Variants in PRKCE observed in about 807,000 individuals in gnomAD.
PRKCE encodes protein kinase C epsilon type.
PRKCE carries 16 observed loss-of-function variants against 85.4 expected under a neutral mutation model. The ratio of observed to expected loss-of-function variants is 0.19; its 90% CI spans 0.13 to 0.28. The LOEUF (loss-of-function observed/expected upper bound fraction) is 0.28, where lower values mean the gene tolerates loss of function less well. PRKCE is among the 10% of genes least tolerant of loss of function. The pLI, the probability that PRKCE is intolerant of heterozygous loss-of-function variation, is 1.00. For synonymous variants in PRKCE, 388 were observed against 371.5 expected (o/e 1.04, Z -0.51); for missense variants, 573 against 975.2 (o/e 0.59, Z 5.49).
intron 1 of PRKCE, among the ~76,000 whole-genome samples, chr2:45,784,634 G>T (rs1476079705): frequency 2.0e-5 from 3 of 150,824 alleles, no homozygotes; most frequent in African/African-American, 7.3e-5. Context: ...CTAGCTTTTT[G>T]TTTTTTTTTA....
intron 1 of PRKCE, among the ~76,000 whole-genome samples, chr2:45,668,326 G>C (rs577986520): frequency 6.6e-6 from 1 of 152,270 alleles, no homozygotes; most frequent in African/African-American, 2.4e-5. Flanking sequence ...GGTGAGAAAA[G>C]TGCTTGTCAT....
At chr2:45,752,101 G>A (rs1349939270) in intron 1 of PRKCE, among the ~76,000 whole-genome samples, 3 of 152,084 alleles carry the variant, frequency 2.0e-5, no homozygotes, top group African/African-American at 7.2e-5. Flanking sequence ...ACAGGCGTGA[G>A]CCACCGCGCC....
intron 9 of PRKCE, among the ~76,000 whole-genome samples, chr2:46,009,339 AT>A (rs1359138028): frequency 3.9e-5 from 6 of 152,260 alleles, no homozygotes; most frequent in African/African-American, 1.4e-4. Context: ...TCACATGTGT[AT>A]AAATTTGTAA....
chr2:46,057,616 T>C (rs1186319823), intron 10 of PRKCE, among the ~76,000 whole-genome samples: 6 of 152,102 alleles, frequency 3.9e-5, no homozygotes, highest in South Asian at 2.1e-4. Context: ...GTATTTTTAG[T>C]AGACACGGGG....
At chr2:45,967,586 C>T (rs1234462008) in intron 2 of PRKCE, among the ~76,000 whole-genome samples, 1 of 152,104 alleles carries the variant, frequency 6.6e-6, no homozygotes, top group East Asian at 1.9e-4. Flanking sequence ...TTTAGGACTG[C>T]CCCAAGTCTC....
At chr2:45,675,182 T>C (rs1027987741) in intron 1 of PRKCE, 1 of 152,064 alleles carries the variant, frequency 6.6e-6, no homozygotes, top group Non-Finnish European at 1.5e-5. Flanking sequence ...CAAAACAAAA[T>C]AGCACAAGAA....
At chr2:45,993,873 C>T (rs1403438798) in intron 6 of PRKCE, among the ~76,000 whole-genome samples, 2 of 152,082 alleles carry the variant, frequency 1.3e-5, no homozygotes, top group African/African-American at 4.8e-5. Context: ...AAGTCGGTGC[C>T]ATGGCCTGGC....
intron 11 of PRKCE, among the ~76,000 whole-genome samples, chr2:46,101,831 T>G (rs559842347): frequency 4.4e-4 from 65 of 147,654 alleles, no homozygotes; most frequent in African/African-American, 1.2e-3. Context: ...TCTAGTGTTT[T>G]GGTGGTGTAT....
intron 1 of PRKCE, among the ~76,000 whole-genome samples, chr2:45,667,065 C>T (rs867122354): frequency 6.6e-6 from 1 of 152,142 alleles, no homozygotes; most frequent in African/African-American, 2.4e-5. Flanking sequence ...AATCCCAGCA[C>T]TTTGGGAGGC....
chr2:45,791,942 G>A (rs12467341), intron 1 of PRKCE, among the ~76,000 whole-genome samples: 95,431 of 152,146 alleles, frequency 0.63, 31,885 homozygotes, highest in African/African-American at 0.86. Context: ...CCTGTTCCAC[G>A]GGGTATTTGT....
intron 4 of PRKCE, 133 bp downstream of exon 4, chr2:45,979,143 A>T (rs917474135): frequency 2.9e-5 from 25 of 865,478 alleles, no homozygotes; most frequent in Non-Finnish European, 4.2e-5. Context: ...CTTTGTTCCC[A>T]CTTGACCATT....
At chr2:46,165,355 G>T (rs138106833) in intron 14 of PRKCE, among the ~76,000 whole-genome samples, 1 of 152,200 alleles carries the variant, frequency 6.6e-6, no homozygotes, top group Non-Finnish European at 1.5e-5. Flanking sequence ...CAAAGACTTT[G>T]CACCATCATG....
chr2:45,979,914 C>A (rs893336254), intron 4 of PRKCE, among the ~76,000 whole-genome samples: 6 of 152,160 alleles, frequency 3.9e-5, no homozygotes, highest in African/African-American at 1.4e-4. Context: ...AGCCACCCTG[C>A]ATGGTCCCGA....
chr2:45,844,522 A>G (rs77789383), intron 2 of PRKCE, among the ~76,000 whole-genome samples: 5,398 of 152,312 alleles, frequency 0.035, 230 homozygotes, highest in East Asian at 0.14. Context: ...AATTAGAGCA[A>G]GCAGTGAGGT....
chr2:46,104,299 T>A (rs202206012), intron 11 of PRKCE, among the ~76,000 whole-genome samples: 2 of 146,794 alleles, frequency 1.4e-5, no homozygotes, highest in African/African-American at 5.0e-5. Context: ...CCTTGTACTT[T>A]TTTTTTTTTT....
At chr2:46,031,287 T>G (rs1302615791) in intron 10 of PRKCE, among the ~76,000 whole-genome samples, 3 of 152,184 alleles carry the variant, frequency 2.0e-5, no homozygotes, top group South Asian at 2.1e-4. Context: ...GTCTTCGATC[T>G]CACTGCCCGC....
At chr2:45,800,899 A>T (rs551139817) in intron 1 of PRKCE, among the ~76,000 whole-genome samples, 1 of 152,298 alleles carries the variant, frequency 6.6e-6, no homozygotes, top group Non-Finnish European at 1.5e-5. Flanking sequence ...ATTATAATCC[A>T]CTCTATGAGA....
At chr2:46,152,263 T>A (rs1676713069) in intron 13 of PRKCE, among the ~76,000 whole-genome samples, 1 of 150,928 alleles carries the variant, frequency 6.6e-6, no homozygotes, top group African/African-American at 2.4e-5. Flanking sequence ...CTCACTGCAA[T>A]CTCCTCCTCC....
chr2:46,023,649 T>C (rs1706867914), intron 10 of PRKCE, among the ~76,000 whole-genome samples: 1 of 152,196 alleles, frequency 6.6e-6, no homozygotes, highest in Non-Finnish European at 1.5e-5. Context: ...TGCTGGGCCC[T>C]TTGTCTCCTT....
Sources: gnomAD v4.1 joint callset for allele counts (sites outside exome capture counted in the v4.1 genomes callset) on GRCh38, gnomAD v4.1.1 for gene constraint, MANE v1.5 for transcripts, NCBI Gene and HGNC (gene_info 2026-07-23, HGNC 2026-07-21) for gene names.